DENND2B: variants seen among roughly 807,000 people sequenced by gnomAD.
The protein encoded by DENND2B is DENN domain containing 2B.
A neutral mutation model predicts 116.0 loss-of-function variants in DENND2B; 32 were observed. The ratio of observed to expected loss-of-function variants is 0.28; its 90% CI spans 0.21 to 0.37. DENND2B has a LOEUF of 0.37. Ranked by LOEUF, DENND2B falls within the 10% of genes least tolerant of loss-of-function variation. DENND2B has a pLI of 1.00. For missense variants in DENND2B, 1,276 were observed against 1,477.7 expected, an observed-to-expected ratio of 0.86 and a Z score of 2.24; for synonymous variants, 588 against 583.9, an observed-to-expected ratio of 1.01 and a Z score of -0.10.
At chr11:8,894,228 A>G (rs1249938165) in intron 1 of DENND2B, among the ~76,000 whole-genome samples, 2 of 152,154 alleles carry the variant, frequency 1.3e-5, no homozygotes, top group African/African-American at 2.4e-5. Context: ...CCTTCCTTAC[A>G]CCTTATACAA....
Position 8,897,005 on chromosome 11 carries a change from A to G in DENND2B, c.-256+13816T>C, listed in dbSNP as rs1451058574. Among the ~76,000 whole-genome samples the G allele has an allele frequency of 2.0e-5, 3 of 152,354 alleles. No individual in the cohort carries two copies. The East Asian group carries it at 5.8e-4, about 29-fold the overall frequency. ...TGTAATCCCAGCACTTTGGGAGGCC[A>G]AGGCGGGTGGATCACCTGAGGTCAG... On this transcript the variant is annotated intron_variant, in intron 1 of 22. Transcript: ENST00000534127.
intron 2 of DENND2B, among the ~76,000 whole-genome samples, chr11:8,863,373 C>G (rs2063471864): frequency 7.0e-6 from 1 of 142,092 alleles, no homozygotes; most frequent in South Asian, 2.4e-4. Flanking sequence ...GCTGGGACTA[C>G]AGGCACACGC....
chr11:8,886,132 A>T (rs1024822072), intron 1 of DENND2B, among the ~76,000 whole-genome samples: 1 of 152,082 alleles, frequency 6.6e-6, no homozygotes, highest in East Asian at 1.9e-4. Context: ...ACAAGGTCTC[A>T]CCATGTTGTC....
chr11:8,751,417 C>G (rs897823673), intron 1 of DENND2B, among the ~76,000 whole-genome samples: 1 of 152,130 alleles, frequency 6.6e-6, no homozygotes. Flanking sequence ...GCAACCCACT[C>G]GGGTCCCCTT....
intron 4 of DENND2B, among the ~76,000 whole-genome samples, chr11:8,720,232 G>A (rs2045920428): frequency 6.6e-6 from 1 of 152,082 alleles, no homozygotes; most frequent in Non-Finnish European, 1.5e-5. Context: ...TGAGTCCCAA[G>A]ACTAGCCCTC....
intron 2 of DENND2B, among the ~76,000 whole-genome samples, chr11:8,879,675 G>GA (rs200730353): frequency 8.6e-5 from 13 of 150,888 alleles, no homozygotes; most frequent in South Asian, 2.1e-4. Context: ...GTCCTCTGGA[G>GA]AAAAAAAAAT....
chr11:8,887,117 A>C (rs2134736675), intron 1 of DENND2B, among the ~76,000 whole-genome samples: 1 of 152,328 alleles, frequency 6.6e-6, no homozygotes, highest in African/African-American at 2.4e-5. Context: ...ACGGTGAGCC[A>C]CCACGCCCGG....
intron 1 of DENND2B, among the ~76,000 whole-genome samples, chr11:8,791,954 C>T (rs2059416481): frequency 1.3e-5 from 2 of 151,282 alleles, no homozygotes; most frequent in Admixed American, 1.3e-4. Context: ...CCTGTAATCC[C>T]AGCACTTTGG....
chr11:8,765,286 G>A (rs1191170850), intron 1 of DENND2B, among the ~76,000 whole-genome samples: 1 of 152,168 alleles, frequency 6.6e-6, no homozygotes, highest in East Asian at 1.9e-4. Context: ...CCTTTAAACA[G>A]AGCAAGTGCT....
At chr11:8,824,124 G>A (rs562234765) in intron 4 of DENND2B, among the ~76,000 whole-genome samples, 97 of 151,866 alleles carry the variant, frequency 6.4e-4, no homozygotes, top group Non-Finnish European at 1.3e-3. Flanking sequence ...GGATGGTCTC[G>A]ATCTCCTGAC....
At chr11:8,703,923 A>G (rs991434521) in intron 13 of DENND2B, among the ~76,000 whole-genome samples, 3 of 152,150 alleles carry the variant, frequency 2.0e-5, no homozygotes, top group Non-Finnish European at 2.9e-5. Flanking sequence ...AAGTAGCACA[A>G]TGATGCCAGA....
At chr11:8,879,659 A>C (rs2063881086) in intron 2 of DENND2B, among the ~76,000 whole-genome samples, 2 of 152,152 alleles carry the variant, frequency 1.3e-5, no homozygotes, top group Admixed American at 6.5e-5. Flanking sequence ...AAAGAATAAA[A>C]TATTTGTCCT....
intron 1 of DENND2B, chr11:8,774,239 TC>T (rs2057323488): frequency 9.1e-6 from 9 of 985,338 alleles, no homozygotes; most frequent in Non-Finnish European, 9.6e-6. Flanking sequence ...GCCCTACCTG[TC>T]TTTATGACTA....
intron 1 of DENND2B, among the ~76,000 whole-genome samples, chr11:8,786,008 C>G (rs372790363): frequency 6.6e-6 from 1 of 152,160 alleles, no homozygotes; most frequent in Non-Finnish European, 1.5e-5. Flanking sequence ...TTACAGAACT[C>G]GGGGTCTTGA....
chr11:8,875,346 A>C (rs1466644197), upstream of DENND2B, among the ~76,000 whole-genome samples: 1 of 151,602 alleles, frequency 6.6e-6, no homozygotes, highest in Non-Finnish European at 1.5e-5. Context: ...AAAAACTACT[A>C]AATTTTCTAA....
intron 3 of DENND2B, among the ~76,000 whole-genome samples, chr11:8,726,979 T>C (rs1565741983): frequency 6.6e-6 from 1 of 152,236 alleles, no homozygotes; most frequent in Non-Finnish European, 1.5e-5. Context: ...TTCCATCCTT[T>C]GGACAACCTT....
chr11:8,747,724 G>A (rs1302843751), intron 2 of DENND2B, among the ~76,000 whole-genome samples: 1 of 152,188 alleles, frequency 6.6e-6, no homozygotes, highest in Non-Finnish European at 1.5e-5. Context: ...CGAAGACAAG[G>A]AAACCTGCTC....
intron 2 of DENND2B, among the ~76,000 whole-genome samples, chr11:8,866,153 G>T (rs1372694418): frequency 3.3e-5 from 5 of 152,040 alleles, no homozygotes; most frequent in Non-Finnish European, 7.4e-5. Context: ...TAGAGACGGG[G>T]TTTCACCGTG....
chr11:8,724,123 G>A (rs1320846338), intron 4 of DENND2B, among the ~76,000 whole-genome samples: 6 of 152,082 alleles, frequency 3.9e-5, no homozygotes, highest in African/African-American at 1.2e-4. Context: ...GTGAAACCCT[G>A]TCTCTACTAA....
Sources: allele counts gnomAD v4.1 joint callset (sites outside exome capture counted in the v4.1 genomes callset), GRCh38; gene constraint gnomAD v4.1.1; transcripts MANE v1.5; gene names NCBI Gene and HGNC (gene_info 2026-07-23, HGNC 2026-07-21).